The following KIRREL3 variants were observed in gnomAD, a reference collection of about 807,000 sequenced individuals.
KIRREL3 encodes kirre like nephrin family adhesion molecule 3, also known as kin of IRRE-like protein 3.
KIRREL3 carries 36 observed loss-of-function variants against 89.7 expected under a neutral mutation model. The ratio of observed to expected loss-of-function variants is 0.40; its 90% CI spans 0.31 to 0.53. The LOEUF (loss-of-function observed/expected upper bound fraction) is 0.53, where lower values mean the gene tolerates loss of function less well. Among genes scored for constraint, KIRREL3 ranks in the 20% least tolerant of loss-of-function variants. The pLI is 0.49. For synonymous variants in KIRREL3, 445 were observed against 441.4 expected, an observed-to-expected ratio of 1.01 and a Z score of -0.10; for missense variants, 864 against 1,056.6, an observed-to-expected ratio of 0.82 and a Z score of 2.53.
intron 4 of KIRREL3, among the ~76,000 whole-genome samples, chr11:126,500,707 T>C (rs1957827323): frequency 7.0e-6 from 1 of 142,444 alleles, no homozygotes; most frequent in Non-Finnish European, 1.5e-5. Flanking sequence ...ACCACTGCAC[T>C]ATAGCCTGGG....
rs1234735256 is a variant in KIRREL3 at position 126,557,101 on chromosome 11, T to C, written c.133+5734A>G. ...ACGGCTGCAACAGAGTGAGAAGTGCTGCCGGTAGCAGGGAGGCCTGCTCAT... is the reference window on the plus strand; with the variant it reads ...ACGGCTGCAACAGAGTGAGAAGTGCCGCCGGTAGCAGGGAGGCCTGCTCAT... On this transcript the variant is annotated intron_variant, in intron 2 of 16. Transcript: ENST00000525144. This position sits in a 1 kb window ranked among gnomAD's most constrained non-coding sequence, Gnocchi z 5.6. 6.6e-6 allele frequency among the ~76,000 whole-genome samples: 1 copy of C among 152,182 alleles called. No individual in the cohort carries two copies. The highest frequency in any genetic ancestry group is 1.9e-4 in the East Asian group (1 of 5,192).
chr11:126,450,475 ATG>A (rs1403845471), intron 7 of KIRREL3, among the ~76,000 whole-genome samples: 7 of 128,350 alleles, frequency 5.5e-5, no homozygotes, highest in Non-Finnish European at 8.2e-5. Context: ...GAATGTGTGC[ATG>A]TGTGTGGGTG....
rs1242348069 is a variant in KIRREL3, at chr11:126,484,865, G to A, written c.434-11399C>T. On this transcript the variant is annotated intron_variant, in intron 4 of 16. Transcript: ENST00000525144. The surrounding 1 kb of genome is among the most constrained non-coding windows in gnomAD (Gnocchi z 5.2). ...AGTCTCGCTCTTGTCACCCAGGCTG[G>A]AGTGCAATGGCACAATGTAGGCTCA... Among the ~76,000 whole-genome samples the A allele has an allele frequency of 6.6e-6, 1 of 151,206 alleles. No individual in the cohort carries two copies. Among genetic ancestry groups the A allele is most frequent in the African/African-American group, 2.4e-5 (1 of 41,088 alleles).
At position 126,780,348 on chromosome 11, in the gene KIRREL3, A is replaced by G. The variant is rs1950291708; in HGVS notation, c.56-217436T>C. Among the ~76,000 whole-genome samples the G allele has an allele frequency of 6.6e-6, 1 of 152,204 alleles. No individual in the cohort carries two copies. The highest frequency in any genetic ancestry group is 6.5e-5 in the Admixed American group (1 of 15,288). ...AGCTTTTTACTGAATGTAATTAATG[A>G]CATTGTGGCTTTAAATAAAAACCAG... On this transcript the variant is annotated intron_variant, in intron 1 of 16. Transcript: ENST00000525144. The surrounding 1 kb of genome is among the most constrained non-coding windows in gnomAD (Gnocchi z 5.3).
Position 126,943,137 on chromosome 11 carries a change from C to T in KIRREL3, c.55+57318G>A, listed in dbSNP as rs116563574. On this transcript the variant is annotated intron_variant, in intron 1 of 16. Transcript: ENST00000525144. This position sits in a 1 kb window ranked among gnomAD's most constrained non-coding sequence, Gnocchi z 4.2. ...TTTCTGATAAATGTTTTCATCAGTGCCATAGGCCTGGGTGCTGCTCCTGCT... is the reference window on the plus strand; with the variant it reads ...TTTCTGATAAATGTTTTCATCAGTGTCATAGGCCTGGGTGCTGCTCCTGCT... Among the ~76,000 whole-genome samples, 1 of 152,318 alleles carries T rather than the reference C, an allele frequency of 6.6e-6. No individual in the cohort carries two copies. The highest frequency in any genetic ancestry group is 2.4e-5 in the African/African-American group (1 of 41,566).
At chr11:126,790,688 C>A (rs1337509586) in intron 1 of KIRREL3, among the ~76,000 whole-genome samples, 1 of 152,134 alleles carries the variant, frequency 6.6e-6, no homozygotes, top group Non-Finnish European at 1.5e-5. Flanking sequence ...AGAGTCATTG[C>A]CAGTGAGTCA....
In KIRREL3 at chr11:126,709,306, C is replaced by A. The variant is rs1247908153; in HGVS notation, c.56-146394G>T. Among the ~76,000 whole-genome samples the A allele has an allele frequency of 4.6e-5, 7 of 152,164 alleles. No homozygotes were observed. The highest frequency in any genetic ancestry group is 1.7e-4 in the African/African-American group (7 of 41,444). ...TATCATCTCCTCTATCCCAAGATGA[C>A]CTTTGGGGTTCCAATCAGTCCTATC... On this transcript the variant is annotated intron_variant, in intron 1 of 16. Coordinates refer to ENST00000525144, the MANE Select transcript of KIRREL3 (RefSeq NM_032531.4). The surrounding 1 kb of genome is among the most constrained non-coding windows in gnomAD (Gnocchi z 4.0).
chr11:126,992,647 C>G (rs1399196905), intron 1 of KIRREL3: 2 of 152,202 alleles, frequency 1.3e-5, no homozygotes, highest in Non-Finnish European at 2.9e-5. Flanking sequence ...ACCTTGGTTT[C>G]CCTAAAGCCA....
At chr11:126,546,487 C>G (rs1712234538) in intron 2 of KIRREL3, among the ~76,000 whole-genome samples, 1 of 152,254 alleles carries the variant, frequency 6.6e-6, no homozygotes, top group African/African-American at 2.4e-5. Flanking sequence ...AGAGCCTGTG[C>G]TGACCTCCCC....
intron 1 of KIRREL3, among the ~76,000 whole-genome samples, chr11:126,632,254 T>C (rs530721869): frequency 6.6e-6 from 1 of 152,354 alleles, no homozygotes; most frequent in South Asian, 2.1e-4. Context: ...GGGCTCTTCT[T>C]CTGGGCTGCA....
rs1341988642 is a variant in KIRREL3 at position 126,574,505 on chromosome 11, AT to A, written c.56-11594del. ...TCACTCAATAAGAACATGAAAGTTTATTTACCACGAGGCCAGCCCAGTGGGA... is the reference window on the plus strand; with the variant it reads ...TCACTCAATAAGAACATGAAAGTTTATTACCACGAGGCCAGCCCAGTGGGA... On this transcript the variant is annotated intron_variant, in intron 1 of 16. Coordinates refer to ENST00000525144, the MANE Select transcript of KIRREL3 (RefSeq NM_032531.4). This position sits in a 1 kb window ranked among gnomAD's most constrained non-coding sequence, Gnocchi z 5.3. 6.6e-6 allele frequency among the ~76,000 whole-genome samples: 1 copy of A among 152,228 alleles called. No homozygotes were observed. The highest frequency in any genetic ancestry group is 1.5e-5 in the Non-Finnish European group (1 of 68,042).
In KIRREL3 at chr11:126,761,118, G is replaced by C. The variant is rs1054029864; in HGVS notation, c.56-198206C>G. Among the ~76,000 whole-genome samples, 5 of 152,164 alleles carry C rather than the reference G, an allele frequency of 3.3e-5. No homozygotes were observed. Among genetic ancestry groups the C allele is most frequent in the Admixed American group, 3.3e-4 (5 of 15,280 alleles). On this transcript the variant is annotated intron_variant, in intron 1 of 16. Transcript: ENST00000525144. The surrounding 1 kb of genome is among the most constrained non-coding windows in gnomAD (Gnocchi z 4.4). ...GGAGGTGGCTCACTTCCTCCTGCCTGCTTCTTCTGAAGAATCTACTAGGGC... is the reference window on the plus strand; with the variant it reads ...GGAGGTGGCTCACTTCCTCCTGCCTCCTTCTTCTGAAGAATCTACTAGGGC...
Position 126,486,965 on chromosome 11 carries a change from C to A in KIRREL3, c.434-13499G>T, listed in dbSNP as rs1165006385. 6.6e-6 allele frequency among the ~76,000 whole-genome samples: 1 copy of A among 152,136 alleles called. No individual in the cohort carries two copies. Among genetic ancestry groups the A allele is most frequent in the Non-Finnish European group, 1.5e-5 (1 of 68,034 alleles). ...GCTATGGGCTCCCCATCCGGTAAAT[C>A]CACCTCCTCAACGAGCCTCATAGTT... On this transcript the variant is annotated intron_variant, in intron 4 of 16. Coordinates refer to ENST00000525144, the MANE Select transcript of KIRREL3 (RefSeq NM_032531.4). The surrounding 1 kb of genome is among the most constrained non-coding windows in gnomAD (Gnocchi z 6.2).
At chr11:126,451,160 CGT>C (rs1956111328) in intron 7 of KIRREL3, among the ~76,000 whole-genome samples, 1 of 118,778 alleles carries the variant, frequency 8.4e-6, no homozygotes. Flanking sequence ...AATGTGGGCA[CGT>C]GTGAATGTGT....
At position 126,778,941 on chromosome 11, in the gene KIRREL3, G is replaced by A. The variant is rs981072505; in HGVS notation, c.56-216029C>T. Among the ~76,000 whole-genome samples the A allele has an allele frequency of 2.6e-5, 4 of 152,162 alleles. No homozygotes were observed. The highest frequency in any genetic ancestry group is 5.9e-5 in the Non-Finnish European group (4 of 68,024). On this transcript the variant is annotated intron_variant, in intron 1 of 16. Transcript: ENST00000525144. The surrounding 1 kb of genome is among the most constrained non-coding windows in gnomAD (Gnocchi z 4.5). ...CACCTGTTTCTGAACACACACACAA[G>A]GTAATACATGTAAGAGCACCTAGCG... is the stretch of plus-strand genomic sequence containing the variant.
chr11:126,870,310 G>T lies in KIRREL3; in HGVS notation c.55+130145C>A, dbSNP rs1945066551. On this transcript the variant is annotated intron_variant, in intron 1 of 16. Coordinates refer to ENST00000525144, the MANE Select transcript of KIRREL3 (RefSeq NM_032531.4). The surrounding 1 kb of genome is among the most constrained non-coding windows in gnomAD (Gnocchi z 4.4). ...CATGTACTGCAAGACAGCTGGGATT[G>T]TCATGGACATCAATATGAAAGGCAG... Among the ~76,000 whole-genome samples, 2 of 152,218 alleles carry T rather than the reference G, an allele frequency of 1.3e-5. No homozygotes were observed. Among genetic ancestry groups the T allele is most frequent in the African/African-American group, 4.8e-5 (2 of 41,458 alleles).
intron 1 of KIRREL3, among the ~76,000 whole-genome samples, chr11:126,901,213 CAAAAA>C (rs58769659): frequency 1.2e-5 from 1 of 86,042 alleles, no homozygotes; most frequent in Non-Finnish European, 2.4e-5. Flanking sequence ...GATTCCGTCT[CAAAAA>C]AAAAAAAAAA....
rs2135152182 is a variant in KIRREL3, at chr11:126,697,187, A to G, written c.56-134275T>C. Reference sequence around the variant, plus strand: ...CCCCAGACCTGTGTTCACCTGGCTCACAGCCCTCCTTAATTACAATTGTAA... The same window carrying G: ...CCCCAGACCTGTGTTCACCTGGCTCGCAGCCCTCCTTAATTACAATTGTAA... On this transcript the variant is annotated intron_variant, in intron 1 of 16. Transcript: ENST00000525144. The surrounding 1 kb of genome is among the most constrained non-coding windows in gnomAD (Gnocchi z 4.2). Among the ~76,000 whole-genome samples the G allele has an allele frequency of 6.6e-6, 1 of 152,282 alleles. No individual in the cohort carries two copies. Among genetic ancestry groups the G allele is most frequent in the Admixed American group, 6.5e-5 (1 of 15,294 alleles).
Position 126,491,942 on chromosome 11 carries a change from T to A in KIRREL3, c.434-18476A>T, listed in dbSNP as rs1370943923. ...GTCTCGAACTCCAGACCTCAAGTGATCCTCCCGCATCAGCTTCCCAAAGTG... is the reference window on the plus strand; with the variant it reads ...GTCTCGAACTCCAGACCTCAAGTGAACCTCCCGCATCAGCTTCCCAAAGTG... On this transcript the variant is annotated intron_variant, in intron 4 of 16. Transcript: ENST00000525144. The surrounding 1 kb of genome is among the most constrained non-coding windows in gnomAD (Gnocchi z 5.5). Among the ~76,000 whole-genome samples the A allele has an allele frequency of 6.6e-6, 1 of 152,118 alleles. No individual in the cohort carries two copies. The highest frequency in any genetic ancestry group is 6.5e-5 in the Admixed American group (1 of 15,276).
Sources: allele counts gnomAD v4.1 joint callset (sites outside exome capture counted in the v4.1 genomes callset), GRCh38; gene constraint gnomAD v4.1.1; non-coding constraint Gnocchi (gnomAD v3.1); transcripts MANE v1.5; gene names NCBI Gene and HGNC (gene_info 2026-07-23, HGNC 2026-07-21).